Variants in RIMS1 observed in about 807,000 individuals in gnomAD.
RIMS1 encodes regulating synaptic membrane exocytosis protein 1.
RIMS1 carries 83 observed loss-of-function variants against 214.1 expected under a neutral mutation model. The observed-to-expected ratio is 0.39, with a 90% CI of 0.32 to 0.47. The LOEUF (loss-of-function observed/expected upper bound fraction) is 0.47, where lower values mean the gene tolerates loss of function less well. Among genes scored for constraint, RIMS1 ranks in the 20% least tolerant of loss-of-function variants. The probability of loss-of-function intolerance (pLI) is 0.99; values close to 1 mark genes in which losing one functional copy is unlikely to be tolerated. For missense variants in RIMS1, 2,050 were observed against 2,161.8 expected, an observed-to-expected ratio of 0.95 and a Z score of 1.03; for synonymous variants, 793 against 786.8, an observed-to-expected ratio of 1.01 and a Z score of -0.13.
At chr6:72,284,565 A>G (rs1476184035) in intron 24 of RIMS1, among the ~76,000 whole-genome samples, 3 of 152,210 alleles carry the variant, frequency 2.0e-5, no homozygotes, top group Non-Finnish European at 4.4e-5. Context: ...TTCTACTGGT[A>G]TATTATAACC....
intron 1 of RIMS1, among the ~76,000 whole-genome samples, chr6:71,895,873 G>C (rs1175919043): frequency 6.6e-6 from 1 of 152,064 alleles, no homozygotes; most frequent in Non-Finnish European, 1.5e-5. Flanking sequence ...CACATTTAGA[G>C]GTTCTATCCA....
chr6:72,110,103 A>G (rs1280935186), intron 4 of RIMS1, among the ~76,000 whole-genome samples: 1 of 152,178 alleles, frequency 6.6e-6, no homozygotes, highest in Non-Finnish European at 1.5e-5. Flanking sequence ...TGGTTACTGT[A>G]GCCTTGTAGT....
In RIMS1 at chr6:72,261,415, T is replaced by C. The variant is rs748904423; in HGVS notation, c.3116+648T>C. 131 of 985,392 alleles carry C rather than the reference T, an allele frequency of 1.3e-4. 1 individual carries two copies. Among genetic ancestry groups the C allele is most frequent in the Admixed American group, 3.1e-4 (5 of 16,230 alleles). 61.0% of individuals were successfully genotyped at this position (985,392 alleles called of 1,614,324 possible). A position where few individuals can be genotyped will look rare whatever the true frequency, so the allele number is the denominator to read the frequency against. ...GCCTCTTTAGAAGCGACAAAAGATA[T>C]AATTTTTGCTTCTAAATTGGAGCTT... On this transcript the variant is annotated intron_variant, in intron 19 of 33. Coordinates refer to ENST00000521978, the MANE Select transcript of RIMS1 (RefSeq NM_014989.7).
intron 2 of RIMS1, among the ~76,000 whole-genome samples, chr6:71,986,150 C>T (rs138756882): frequency 1.6e-3 from 239 of 147,096 alleles, no homozygotes; most frequent in Middle Eastern, 0.011. Flanking sequence ...GAAATTCAAA[C>T]TTAACTTGAT....
intron 1 of RIMS1, among the ~76,000 whole-genome samples, chr6:71,944,752 A>G (rs866924516): frequency 6.6e-6 from 1 of 152,204 alleles, no homozygotes; most frequent in African/African-American, 2.4e-5. Flanking sequence ...AAATCATGTG[A>G]GATGTCGGCC....
At chr6:72,010,643 A>C (rs1294431625) in intron 2 of RIMS1, among the ~76,000 whole-genome samples, 1 of 152,226 alleles carries the variant, frequency 6.6e-6, no homozygotes, top group Non-Finnish European at 1.5e-5. Context: ...CTCAGGATAC[A>C]AAATCAATGT....
chr6:72,360,871 A>G (rs1376335008), intron 29 of RIMS1, among the ~76,000 whole-genome samples: 2 of 149,984 alleles, frequency 1.3e-5, no homozygotes, highest in Non-Finnish European at 3.0e-5. Context: ...ATAGGTGAGA[A>G]CATAATAATG....
chr6:72,310,055 A>T (rs955014899), intron 27 of RIMS1, among the ~76,000 whole-genome samples: 1 of 152,124 alleles, frequency 6.6e-6, no homozygotes, highest in African/African-American at 2.4e-5. Context: ...CACAAATTTT[A>T]TATTCATTAA....
At chr6:72,210,124 C>A (rs2154005345) in intron 6 of RIMS1, among the ~76,000 whole-genome samples, 1 of 152,248 alleles carries the variant, frequency 6.6e-6, no homozygotes, top group African/African-American at 2.4e-5. Flanking sequence ...CCCAAAGGAA[C>A]AACATGGTCC....
chr6:71,930,693 C>T (rs957470040), intron 1 of RIMS1, among the ~76,000 whole-genome samples: 18 of 152,114 alleles, frequency 1.2e-4, no homozygotes, highest in Admixed American at 6.6e-4. Context: ...TTGACAAACT[C>T]GAAATTCCTT....
At chr6:72,369,437 C>T (rs1027366273) in intron 29 of RIMS1, among the ~76,000 whole-genome samples, 4 of 152,034 alleles carry the variant, frequency 2.6e-5, no homozygotes, top group South Asian at 2.1e-4. Context: ...AGATGTGTTA[C>T]AAGAAACTGC....
chr6:72,237,951 A>T, intron 9 of RIMS1, 29 bp downstream of exon 9: 11 of 1,492,534 alleles, frequency 7.4e-6, no homozygotes, highest in Non-Finnish European at 1.0e-5. Flanking sequence ...ATATTTAAAC[A>T]GTGTGTTCTC....
At chr6:72,021,031 G>A (rs528450262) in intron 2 of RIMS1, among the ~76,000 whole-genome samples, 12 of 152,276 alleles carry the variant, frequency 7.9e-5, no homozygotes, top group African/African-American at 2.9e-4. Context: ...TGTAGTGAAT[G>A]TGATAGAATA....
chr6:72,199,563 C>G (rs1022769861), intron 6 of RIMS1, among the ~76,000 whole-genome samples: 2 of 151,846 alleles, frequency 1.3e-5, no homozygotes, highest in African/African-American at 4.8e-5. Context: ...GTAAAACTGA[C>G]AGATATGGGA....
At chr6:72,216,845 T>A (rs2056295355) in intron 6 of RIMS1, 1 of 1,011,328 alleles carries the variant, frequency 9.9e-7, no homozygotes, top group Non-Finnish European at 1.2e-6. Flanking sequence ...AAATGGTTAA[T>A]TGAGGAGCTA....
At chr6:72,279,741 G>A (rs890308630) in intron 23 of RIMS1, among the ~76,000 whole-genome samples, 3 of 151,954 alleles carry the variant, frequency 2.0e-5, no homozygotes, top group African/African-American at 4.8e-5. Flanking sequence ...TAAGCACATA[G>A]GGGTGTGATG....
At chr6:72,367,385 A>G (rs2098072053) in intron 29 of RIMS1, among the ~76,000 whole-genome samples, 1 of 152,180 alleles carries the variant, frequency 6.6e-6, no homozygotes, top group African/African-American at 2.4e-5. Flanking sequence ...TGCATTTTGA[A>G]ATTATCAGTC....
intron 2 of RIMS1, among the ~76,000 whole-genome samples, chr6:71,978,538 C>T (rs1392456942): frequency 6.6e-6 from 1 of 151,780 alleles, no homozygotes; most frequent in Admixed American, 6.6e-5. Flanking sequence ...AATATTGCAC[C>T]TTTTAAAAAT....
intron 24 of RIMS1, among the ~76,000 whole-genome samples, chr6:72,290,167 T>G (rs2093133551): frequency 6.6e-6 from 1 of 152,156 alleles, no homozygotes; most frequent in South Asian, 2.1e-4. Flanking sequence ...GCAGGCTTCT[T>G]TCGTTGTTTT....
Sources: gnomAD v4.1 joint callset for allele counts (sites outside exome capture counted in the v4.1 genomes callset) on GRCh38, gnomAD v4.1.1 for gene constraint, MANE v1.5 for transcripts, NCBI Gene and HGNC (gene_info 2026-07-23, HGNC 2026-07-21) for gene names.